Variants in NCOA1 observed in about 807,000 individuals in gnomAD.
NCOA1 encodes the protein nuclear receptor coactivator 1, also known as Hin-2 protein.
A neutral mutation model predicts 150.9 loss-of-function variants in NCOA1; 35 were observed. The observed-to-expected ratio is 0.23, with a 90% CI of 0.18 to 0.31. NCOA1 has a LOEUF of 0.31. Among genes scored for constraint, NCOA1 ranks in the 10% least tolerant of loss-of-function variants. NCOA1 has a pLI of 1.00. For synonymous variants in NCOA1, 590 were observed against 630.0 expected, an observed-to-expected ratio of 0.94 and a Z score of 0.95; for missense variants, 1,491 against 1,749.3, an observed-to-expected ratio of 0.85 and a Z score of 2.63.
intron 3 of NCOA1, among the ~76,000 whole-genome samples, chr2:24,614,953 C>T (rs1668810025): frequency 6.6e-6 from 1 of 152,134 alleles, no homozygotes; most frequent in Non-Finnish European, 1.5e-5. Context: ...CTATAGCTAC[C>T]ACTTGTATTC....
At chr2:24,517,004 G>GCACACACACA (rs72422469) in intron 1 of NCOA1, among the ~76,000 whole-genome samples, 7 of 83,892 alleles carry the variant, frequency 8.3e-5, no homozygotes, top group African/African-American at 2.8e-4. Context: ...ACACACGCGC[G>GCACACACACA]CACACACACA....
chr2:24,739,554 G>A (rs758776109), intron 18 of NCOA1, 21 bp downstream of exon 18: 39 of 1,551,974 alleles, frequency 2.5e-5, no homozygotes, highest in South Asian at 1.7e-4. Context: ...AAAACCAGAC[G>A]TCATTAGTAC....
intron 1 of NCOA1, among the ~76,000 whole-genome samples, chr2:24,553,310 C>T (rs1405496630): frequency 6.6e-6 from 1 of 152,004 alleles, no homozygotes; most frequent in Non-Finnish European, 1.5e-5. Flanking sequence ...CCTCCACCTC[C>T]CAAGTTCAAG....
At chr2:24,600,023 G>A (rs1019515623) in intron 3 of NCOA1, among the ~76,000 whole-genome samples, 5 of 151,782 alleles carry the variant, frequency 3.3e-5, no homozygotes, top group African/African-American at 9.7e-5. Flanking sequence ...GAGCCCAGCC[G>A]ATTAATCATT....
intron 3 of NCOA1, among the ~76,000 whole-genome samples, chr2:24,629,036 G>T (rs925845610): frequency 1.3e-5 from 2 of 152,146 alleles, no homozygotes; most frequent in African/African-American, 4.8e-5. Flanking sequence ...AATTTAAAGG[G>T]TGGTGATATC....
Position 24,742,085 on chromosome 2 carries a change from A to T in NCOA1, c.3605A>T (p.Asn1202Ile). The T allele has an allele frequency of 1.2e-6, 2 of 1,614,248 alleles. No individual in the cohort carries two copies. The highest frequency in any genetic ancestry group is 8.5e-7 in the Non-Finnish European group (1 of 1,180,032). The change falls in exon 19 of 23, where the codon AAC (asparagine) becomes ATC (isoleucine). Residue 1202 changes from asparagine (N) to isoleucine (I), a missense_variant. Transcript: ENST00000348332. The part of the protein sequence containing the change: ...ANPEASLANR[N>I]SMVSRGMTGN... ...CCTGAAGCATCCTTGGCCAACCGCA[A>T]CAGCATGGTGAGCAGAGGCATGACA...
At chr2:24,651,977 A>G (rs1007829922) in intron 4 of NCOA1, among the ~76,000 whole-genome samples, 33 of 152,114 alleles carry the variant, frequency 2.2e-4, no homozygotes, top group African/African-American at 7.5e-4. Context: ...TGGCTTTGAT[A>G]ATTCCTCAAA....
intron 19 of NCOA1, among the ~76,000 whole-genome samples, chr2:24,746,330 G>A (rs781531605): frequency 6.6e-6 from 1 of 152,168 alleles, no homozygotes; most frequent in Non-Finnish European, 1.5e-5. Context: ...ATTACCTGAG[G>A]TCAGGAGTTT....
chr2:24,694,182 T>C (rs1672795060), intron 10 of NCOA1, among the ~76,000 whole-genome samples: 1 of 152,214 alleles, frequency 6.6e-6, no homozygotes, highest in Non-Finnish European at 1.5e-5. Context: ...AAAGGCCTAC[T>C]TCAGATTTTA....
chr2:24,766,540 G>A (rs1420095368), intron 22 of NCOA1, among the ~76,000 whole-genome samples: 1 of 152,074 alleles, frequency 6.6e-6, no homozygotes, highest in African/African-American at 2.4e-5. Context: ...TATACAGAAA[G>A]GGAGAAGAAA....
chr2:24,578,637 TAAA>T (rs1667080810), intron 2 of NCOA1, among the ~76,000 whole-genome samples: 1 of 152,196 alleles, frequency 6.6e-6, no homozygotes, highest in Non-Finnish European at 1.5e-5. Context: ...GTAACCATAA[TAAA>T]GAAGTCCATA....
At position 24,769,669 on chromosome 2, in the gene NCOA1, G is replaced by A. The variant is rs1406200212; in HGVS notation, c.*1278G>A. ...TATAAATTTCTCTATCCTGCTCTGA[G>A]GCTAATTGGTACCATATTTTCCCTT... On this transcript the variant is annotated 3_prime_UTR_variant, in exon 23 of 23. Coordinates refer to ENST00000348332, the MANE Select transcript of NCOA1 (RefSeq NM_003743.5). 9.3e-6 allele frequency: 2 copies of A among 214,540 alleles called. No homozygotes were observed. The highest frequency in any genetic ancestry group is 5.8e-5 in the Admixed American group (1 of 17,122). The allele number at this position is 214,540 out of a possible 1,614,324, so 13.3% of individuals were successfully genotyped here.
intron 13 of NCOA1, among the ~76,000 whole-genome samples, chr2:24,710,234 T>C (rs2384039): frequency 0.72 from 108,930 of 151,848 alleles, 41,685 homozygotes; most frequent in Admixed American, 0.83. Flanking sequence ...GCTGGAGTTA[T>C]AGGCACGTGC....
At chr2:24,672,966 C>T (rs1380013648) in intron 6 of NCOA1, among the ~76,000 whole-genome samples, 1 of 152,148 alleles carries the variant, frequency 6.6e-6, no homozygotes, top group Non-Finnish European at 1.5e-5. Flanking sequence ...TATTTTCATT[C>T]TCTCTTCAAT....
chr2:24,579,675 A>G (rs1312173098), intron 2 of NCOA1, among the ~76,000 whole-genome samples: 1 of 152,216 alleles, frequency 6.6e-6, no homozygotes, highest in Non-Finnish European at 1.5e-5. Flanking sequence ...AAAGTTGAGC[A>G]GAAAGTGGCT....
chr2:24,537,263 C>G (rs1316926274), intron 1 of NCOA1, among the ~76,000 whole-genome samples: 4 of 151,690 alleles, frequency 2.6e-5, no homozygotes, highest in African/African-American at 9.7e-5. Context: ...CACACACACA[C>G]ACACAGACAC....
At chr2:24,501,402 G>T (rs1214950677) in intron 1 of NCOA1, among the ~76,000 whole-genome samples, 1 of 152,126 alleles carries the variant, frequency 6.6e-6, no homozygotes, top group African/African-American at 2.4e-5. Flanking sequence ...CATTTACATT[G>T]CTGTCACCAA....
intron 2 of NCOA1, among the ~76,000 whole-genome samples, chr2:24,578,339 G>A (rs1425939733): frequency 6.6e-6 from 1 of 152,058 alleles, no homozygotes; most frequent in African/African-American, 2.4e-5. Context: ...TCGTGAAACT[G>A]TGCAAAGAAT....
intron 7 of NCOA1, among the ~76,000 whole-genome samples, chr2:24,680,766 T>G (rs1479678324): frequency 2.0e-5 from 3 of 152,198 alleles, no homozygotes; most frequent in Non-Finnish European, 4.4e-5. Context: ...GAGGTAGTGC[T>G]TATGTTCATT....
Sources: gnomAD v4.1 joint callset for allele counts (sites outside exome capture counted in the v4.1 genomes callset) on GRCh38, gnomAD v4.1.1 for gene constraint, MANE v1.5 for transcripts, NCBI Gene and HGNC (gene_info 2026-07-23, HGNC 2026-07-21) for gene names.